ZNF571: variants seen among roughly 807,000 people sequenced by gnomAD.
ZNF571 encodes the protein zinc finger protein 571.
ZNF571 carries 4 observed loss-of-function variants against 7.7 expected under a neutral mutation model. The ratio of observed to expected loss-of-function variants is 0.52; its 90% CI spans 0.25 to 1.18. The LOEUF is 1.18. ZNF571 is among the 50% of genes most tolerant of loss of function. ZNF571 has a pLI of 0.14. For missense variants in ZNF571, 704 were observed against 726.9 expected, an observed-to-expected ratio of 0.97 and a Z score of 0.36; for synonymous variants, 251 against 232.4, an observed-to-expected ratio of 1.08 and a Z score of -0.73.
chr19:37,570,003 C>T (rs2147161612), intron 3 of ZNF571: 1 of 152,340 alleles, frequency 6.6e-6, no homozygotes, highest in Middle Eastern at 3.4e-3. Context: ...TGTGGTAAGA[C>T]CTCCACATTC....
intron 1 of ZNF571, among the ~76,000 whole-genome samples, chr19:37,593,720 AC>A (rs2043934975): frequency 6.6e-6 from 1 of 152,086 alleles, no homozygotes; most frequent in African/African-American, 2.4e-5. Context: ...AAACAAACAA[AC>A]AAAAAAATCT....
chr19:37,593,930 TAGAA>T (rs2043941568), intron 1 of ZNF571, among the ~76,000 whole-genome samples: 1 of 152,062 alleles, frequency 6.6e-6, no homozygotes, highest in Non-Finnish European at 1.5e-5. Context: ...AATTTGAGGT[TAGAA>T]AGAAAACAGG....
In ZNF571 at chr19:37,565,582, C is replaced by T; in HGVS notation, c.846G>A (p.Lys282=). Reference sequence around the variant, plus strand: ...CAAGAATAAAGGCCTTCCCACAATCCTTACATTCATAGGGTTTTTCACCAC... The same window carrying T: ...CAAGAATAAAGGCCTTCCCACAATCTTTACATTCATAGGGTTTTTCACCAC... ...IHSGEKPYEC[K]DCGKAFILGS... Residue 282 remains lysine (K), a synonymous_variant, in exon 4 of 4, where the codon AAG becomes AAA. Transcript: ENST00000451802. 1 of 1,613,338 alleles carries T rather than the reference C, an allele frequency of 6.2e-7. No homozygotes were observed. Among genetic ancestry groups the T allele is most frequent in the East Asian group, 2.2e-5 (1 of 44,832 alleles).
rs117455385 is a variant in ZNF571, at chr19:37,567,237, G to C, written c.137-946C>G. 2.7e-3 allele frequency among the ~76,000 whole-genome samples: 411 copies of C among 152,200 alleles called. 7 individuals are homozygous for C. The East Asian group carries it at 0.043, about 16-fold the overall frequency. On this transcript the variant is annotated intron_variant, in intron 3 of 3. Transcript: ENST00000451802. ...CTGTCCCATGCTTAATCAAAGCAAG[G>C]GCTTTGTTTCATATACTGCTTTATC... is the stretch of plus-strand genomic sequence containing the variant.
At chr19:37,581,466 CT>C (rs1226046583) in intron 3 of ZNF571, among the ~76,000 whole-genome samples, 247 of 138,650 alleles carry the variant, frequency 1.8e-3, no homozygotes, top group Middle Eastern at 3.7e-3. Context: ...TTCTTTCTTT[CT>C]TTTTTTTTTT....
At chr19:37,584,776 C>T (rs533103413) in intron 2 of ZNF571, among the ~76,000 whole-genome samples, 54 of 151,942 alleles carry the variant, frequency 3.6e-4, no homozygotes, top group Non-Finnish European at 6.3e-4. Context: ...TCCTGGCTAA[C>T]ACGGTGAAAC....
At chr19:37,568,906 C>T (rs769962041) in intron 3 of ZNF571, among the ~76,000 whole-genome samples, 6 of 151,794 alleles carry the variant, frequency 4.0e-5, no homozygotes, top group Non-Finnish European at 8.8e-5. Context: ...AAGTAGCTCT[C>T]GAATCTGTTA....
intron 3 of ZNF571, among the ~76,000 whole-genome samples, chr19:37,576,675 G>C (rs1346164455): frequency 3.3e-5 from 5 of 152,018 alleles, no homozygotes; most frequent in Admixed American, 3.3e-4. Flanking sequence ...CCTTAACTAG[G>C]TCATAAAAAG....
Position 37,564,632 on chromosome 19 carries a change from G to T in ZNF571, c.1796C>A (p.Ser599Ter), listed in dbSNP as rs148898167. 4.2e-5 allele frequency: 66 copies of T among 1,564,678 alleles called. No individual in the cohort carries two copies. The African/African-American group carries it at 8.6e-4, about 20-fold the overall frequency. Residue 599 changes from serine to a stop codon, truncating the protein, a stop_gained, in exon 4 of 4, where the codon TCA becomes TAA. Coordinates refer to ENST00000451802, the MANE Select transcript of ZNF571 (RefSeq NM_016536.5). LOFTEE classifies it high-confidence loss of function. ...AAGCCTTGTATGTTGAGTAAGTTGT[G>T]AAGGACATCTAAAGTCTTTACCACA... ...VQCGKDFRCP[S>*]QLTQHTRLHN
rs116064131 is a variant in ZNF571 at position 37,565,232 on chromosome 19, G to T, written c.1196C>A (p.Ala399Asp). The T allele has an allele frequency of 1.7e-5, 28 of 1,613,188 alleles. No individual in the cohort carries two copies. The East Asian group carries it at 6.0e-4, about 35-fold the overall frequency. The change falls in exon 4 of 4, where the codon GCC becomes GAC. Residue 399 changes from alanine to aspartate, a missense_variant. By Grantham distance (126) the Ala-to-Asp change is moderately radical (BLOSUM62 -2). Transcript: ENST00000451802. Reference sequence around the variant, plus strand: ...AATAAGATTAGAATTAGAAATAAAGGCTTTCCCACATTCTTTGCATTTATA... The same window carrying T: ...AATAAGATTAGAATTAGAAATAAAGTCTTTCCCACATTCTTTGCATTTATA... ...RPYKCKECGK[A>D]FISNSNLIQH...
At chr19:37,592,264 A>G (rs888329623) in intron 1 of ZNF571, among the ~76,000 whole-genome samples, 1 of 152,142 alleles carries the variant, frequency 6.6e-6, no homozygotes, top group African/African-American at 2.4e-5. Flanking sequence ...AAAATAAAGA[A>G]TGGATCTTGG....
chr19:37,577,988 C>T (rs930989640), intron 3 of ZNF571, among the ~76,000 whole-genome samples: 13 of 152,134 alleles, frequency 8.5e-5, no homozygotes, highest in Admixed American at 3.9e-4. Flanking sequence ...GCTCCGCCTC[C>T]GGTCAGATCA....
At chr19:37,588,480 T>C (rs1388980151) in intron 1 of ZNF571, among the ~76,000 whole-genome samples, 2 of 152,202 alleles carry the variant, frequency 1.3e-5, no homozygotes, top group African/African-American at 4.8e-5. Flanking sequence ...CCACATGTTG[T>C]CCTTTATAAC....
intron 1 of ZNF571, among the ~76,000 whole-genome samples, chr19:37,591,587 C>A (rs1019297648): frequency 3.3e-5 from 5 of 152,176 alleles, no homozygotes; most frequent in African/African-American, 1.2e-4. Flanking sequence ...TCTTGTTGCC[C>A]AGGCTGTAGT....
At chr19:37,568,823 C>G (rs2042959651) in intron 3 of ZNF571, among the ~76,000 whole-genome samples, 1 of 152,094 alleles carries the variant, frequency 6.6e-6, no homozygotes, top group Admixed American at 6.5e-5. Flanking sequence ...AAAATGGAGT[C>G]TGAAAAGGAG....
At position 37,583,973 on chromosome 19, in the gene ZNF571, A is replaced by C. The variant is rs926797637; in HGVS notation, c.134T>G (p.Leu45Trp). Residue 45 changes from leucine to tryptophan, a missense_variant and splice_region_variant, in exon 3 of 4, where the codon TTG becomes TGG. Physicochemically the swap from Leu to Trp is moderately conservative, Grantham distance 61. Transcript: ENST00000451802. ...AATATTACGTAGGATGATCTTACCC[A>C]ATGAGATCAGGTTGCTGTAGTTCTC... ...MLENYSNLIS[L>W]DLESSCVTKK... is the part of the protein sequence containing the mutation. 4 of 1,606,836 alleles carry C rather than the reference A, an allele frequency of 2.5e-6. No individual in the cohort carries two copies. The African/African-American group carries it at 4.0e-5, about 16-fold the overall frequency.
intron 3 of ZNF571, among the ~76,000 whole-genome samples, chr19:37,566,900 C>T (rs879278128): frequency 1.3e-5 from 2 of 152,322 alleles, no homozygotes; most frequent in Non-Finnish European, 2.9e-5. Context: ...AGACCCTACA[C>T]AAGCTTGCCT....
intron 3 of ZNF571, among the ~76,000 whole-genome samples, chr19:37,579,263 C>T (rs1427205516): frequency 6.6e-6 from 1 of 152,206 alleles, no homozygotes; most frequent in East Asian, 1.9e-4. Flanking sequence ...AGGTCTCACA[C>T]AGGTTGTCCA....
At chr19:37,580,819 G>A (rs2043429592) in intron 3 of ZNF571, among the ~76,000 whole-genome samples, 2 of 152,112 alleles carry the variant, frequency 1.3e-5, no homozygotes. Context: ...ACAGACATAG[G>A]TGCCATGCTT....
Sources: allele counts gnomAD v4.1 joint callset (sites outside exome capture counted in the v4.1 genomes callset), GRCh38; gene constraint gnomAD v4.1.1; transcripts MANE v1.5; gene names NCBI Gene and HGNC (gene_info 2026-07-23, HGNC 2026-07-21).